Variants in WDPCP observed in about 807,000 individuals in gnomAD.
The protein encoded by WDPCP is WD repeat containing planar cell polarity effector, also known as WD repeat-containing and planar cell polarity effector protein fritz homolog.
In WDPCP, 71 loss-of-function variants were observed where a neutral mutation model predicts 93.1. The observed-to-expected ratio is 0.76, with a 90% confidence interval of 0.63 to 0.93. The LOEUF (loss-of-function observed/expected upper bound fraction) is 0.93, where lower values mean the gene tolerates loss of function less well. WDPCP is among the 40% of genes least tolerant of loss of function. The pLI is 0.00. For synonymous variants in WDPCP, 315 were observed against 315.0 expected (o/e 1.00, Z 0.00); for missense variants, 844 against 887.4 (o/e 0.95, Z 0.62).
chr2:63,416,712 C>T (rs375815323), intron 9 of WDPCP, among the ~76,000 whole-genome samples: 112 of 151,668 alleles, frequency 7.4e-4, no homozygotes, highest in South Asian at 1.5e-3. Flanking sequence ...TTAGTAGAGA[C>T]GGGTTTTCAC....
intron 1 of WDPCP, among the ~76,000 whole-genome samples, chr2:63,494,849 G>A: frequency 6.6e-6 from 1 of 151,116 alleles, no homozygotes; most frequent in Non-Finnish European, 1.5e-5. Context: ...GAACGCGGGA[G>A]GCGGAGCTTG....
chr2:63,324,848 A>G (rs1024424771), intron 12 of WDPCP, among the ~76,000 whole-genome samples: 17 of 152,224 alleles, frequency 1.1e-4, no homozygotes, highest in Admixed American at 7.2e-4. Flanking sequence ...GAATTAGGAA[A>G]AAGCCCATGA....
At chr2:63,475,760 C>T (rs1349949663) in intron 6 of WDPCP, among the ~76,000 whole-genome samples, 4 of 152,080 alleles carry the variant, frequency 2.6e-5, no homozygotes, top group Non-Finnish European at 5.9e-5. Flanking sequence ...TTCCTCATTA[C>T]TCTAATTGAT....
intron 2 of WDPCP, among the ~76,000 whole-genome samples, chr2:63,771,848 A>C (rs2103947966): frequency 6.6e-6 from 1 of 152,006 alleles, no homozygotes. Flanking sequence ...CTCCAGCTGT[A>C]TCCATGTTGC....
chr2:63,261,255 C>G (rs1681608949), intron 13 of WDPCP, among the ~76,000 whole-genome samples: 1 of 149,272 alleles, frequency 6.7e-6, no homozygotes, highest in Non-Finnish European at 1.5e-5. Context: ...TTTCAAACTA[C>G]AGCAGTGTTT....
At chr2:63,591,443 A>C (rs1709200241), upstream of WDPCP, among the ~76,000 whole-genome samples, 1 of 152,262 alleles carries the variant, frequency 6.6e-6, no homozygotes, top group African/African-American at 2.4e-5. Context: ...GGTGGAATTA[A>C]CTGTTCATTA....
At chr2:63,213,985 C>A (rs2104431445) in intron 14 of WDPCP, among the ~76,000 whole-genome samples, 2 of 152,172 alleles carry the variant, frequency 1.3e-5, no homozygotes, top group South Asian at 4.2e-4. Flanking sequence ...AATTAATAGC[C>A]TACCAACCAA....
chr2:63,242,751 G>C (rs926050413), intron 14 of WDPCP, among the ~76,000 whole-genome samples: 1 of 152,144 alleles, frequency 6.6e-6, no homozygotes, highest in Non-Finnish European at 1.5e-5. Flanking sequence ...ACTTTCTTAT[G>C]GTTAGTGTAG....
intron 6 of WDPCP, among the ~76,000 whole-genome samples, chr2:63,466,378 C>G (rs1243337802): frequency 6.6e-6 from 1 of 151,966 alleles, no homozygotes; most frequent in East Asian, 1.9e-4. Context: ...TGTGTTTTCT[C>G]TATTAGTTAC....
At chr2:63,218,615 C>A (rs112897761) in intron 14 of WDPCP, among the ~76,000 whole-genome samples, 4 of 152,130 alleles carry the variant, frequency 2.6e-5, no homozygotes, top group African/African-American at 9.6e-5. Flanking sequence ...TTGCAACCTC[C>A]GCCTCCCGGG....
chr2:63,634,864 A>G (rs1340747012), intron 3 of WDPCP, among the ~76,000 whole-genome samples: 1 of 152,198 alleles, frequency 6.6e-6, no homozygotes, highest in Non-Finnish European at 1.5e-5. Flanking sequence ...AGTTATCAGA[A>G]GAAAGAAAAT....
At chr2:63,655,114 T>C (rs949797359) in intron 2 of WDPCP, among the ~76,000 whole-genome samples, 4 of 152,190 alleles carry the variant, frequency 2.6e-5, no homozygotes, top group African/African-American at 4.8e-5. Context: ...GCCAAAACCA[T>C]GCATGTGGGT....
chr2:63,221,960 C>T (rs1411143932), intron 14 of WDPCP, among the ~76,000 whole-genome samples: 4 of 152,094 alleles, frequency 2.6e-5, no homozygotes, highest in East Asian at 1.9e-4. Flanking sequence ...AGGAGGGGTG[C>T]GGGCTGTCCC....
intron 1 of WDPCP, among the ~76,000 whole-genome samples, chr2:63,821,167 T>C (rs1426078109): frequency 1.3e-5 from 2 of 152,160 alleles, no homozygotes; most frequent in Non-Finnish European, 2.9e-5. Context: ...GACTATTTGT[T>C]TCCATGTCTC....
chr2:63,808,631 C>G (rs1239218596), intron 2 of WDPCP, among the ~76,000 whole-genome samples: 1 of 152,230 alleles, frequency 6.6e-6, no homozygotes, highest in South Asian at 2.1e-4. Context: ...GACGGAGTCT[C>G]GTTCACTTAG....
rs561617379 is a variant in WDPCP, at chr2:63,623,272, G to A, written n.488+27387C>T. Among the ~76,000 whole-genome samples, 15 of 152,260 alleles carry A rather than the reference G, an allele frequency of 9.9e-5. No homozygotes were observed. In the South Asian group the frequency reaches 3.1e-3, roughly 32 times the overall value. On this transcript the variant is annotated intron_variant and non_coding_transcript_variant, in intron 3 of 4. Coordinates refer to the WDPCP transcript ENST00000467687. ...AGACCATCAACGCTATGAAGAAACTGCATCAATGGGCAAAATAACCAGCTA... is the reference window on the plus strand; with the variant it reads ...AGACCATCAACGCTATGAAGAAACTACATCAATGGGCAAAATAACCAGCTA...
At chr2:63,440,086 T>A in intron 6 of WDPCP, 1 of 508,314 alleles carries the variant, frequency 2.0e-6, no homozygotes, top group Admixed American at 3.3e-5. Flanking sequence ...AATGCATTGA[T>A]TAAAGCTACA....
At chr2:63,560,153 G>A (rs1052760264) in intron 1 of WDPCP, among the ~76,000 whole-genome samples, 3 of 152,080 alleles carry the variant, frequency 2.0e-5, no homozygotes, top group African/African-American at 4.8e-5. Flanking sequence ...AAGCTGGGAG[G>A]TGGAACTTGC....
intron 14 of WDPCP, chr2:63,228,624 T>G (rs1455758476): frequency 2.7e-5 from 4 of 150,106 alleles, no homozygotes; most frequent in Admixed American, 1.3e-4. Context: ...GATGTTCCCC[T>G]TCTTGTGTCC....
Sources: gnomAD v4.1 joint callset for allele counts (sites outside exome capture counted in the v4.1 genomes callset) on GRCh38, gnomAD v4.1.1 for gene constraint, MANE v1.5 for transcripts, NCBI Gene and HGNC (gene_info 2026-07-23, HGNC 2026-07-21) for gene names.